The following SFT2D1 variants were observed in gnomAD, a reference collection of about 807,000 sequenced individuals.
The protein encoded by SFT2D1 is SFT2 domain containing 1, also known as vesicle transport protein SFT2A.
A neutral mutation model predicts 28.1 loss-of-function variants in SFT2D1; 24 were observed. The observed-to-expected ratio is 0.85, with a 90% confidence interval of 0.62 to 1.20. SFT2D1 has a LOEUF of 1.20. Among genes scored for constraint, SFT2D1 ranks in the 50% most tolerant of loss-of-function variants. SFT2D1 has a pLI of 0.00. For missense variants in SFT2D1, 181 were observed against 190.9 expected, an observed-to-expected ratio of 0.95 and a Z score of 0.31; for synonymous variants, 82 against 73.7, an observed-to-expected ratio of 1.11 and a Z score of -0.58.
At chr6:166,325,538 G>C (rs1271709288) in intron 5 of SFT2D1, among the ~76,000 whole-genome samples, 1 of 152,192 alleles carries the variant, frequency 6.6e-6, no homozygotes, top group African/African-American at 2.4e-5. Flanking sequence ...TCTCTTTGTT[G>C]TTACTATCTG....
At position 166,320,099 on chromosome 6, in the gene SFT2D1, A is replaced by T; in HGVS notation, c.*118T>A. 1 of 854,516 alleles carries T rather than the reference A, an allele frequency of 1.2e-6. No individual in the cohort carries two copies. The highest frequency in any genetic ancestry group is 1.9e-6 in the Non-Finnish European group (1 of 526,516). The allele number at this position is 854,516 out of a possible 1,614,324, so 52.9% of individuals were successfully genotyped here. A position where few individuals can be genotyped will look rare whatever the true frequency, so the allele number is the denominator to read the frequency against. On this transcript the variant is annotated 3_prime_UTR_variant, in exon 8 of 8. Coordinates refer to ENST00000361731, the MANE Select transcript of SFT2D1 (RefSeq NM_145169.3). ...ACCAGTATACAAAATGAGACTTAGT[A>T]CAAAACGGTCTTCAACTGTCACGTC...
At chr6:166,338,784 G>A (rs2114914346) in intron 1 of SFT2D1, among the ~76,000 whole-genome samples, 1 of 152,158 alleles carries the variant, frequency 6.6e-6, no homozygotes, top group Middle Eastern at 3.4e-3. Context: ...ATCAGGGGAG[G>A]AATATGATCA....
intron 1 of SFT2D1, chr6:166,335,459 C>G (rs1352437917): frequency 1.7e-5 from 9 of 538,918 alleles, no homozygotes; most frequent in Non-Finnish European, 3.2e-5. Context: ...TGGTGGAGAA[C>G]AATACTTTGC....
At chr6:166,322,995 A>G in intron 6 of SFT2D1, 109 bp from the exon 7 acceptor site, 1 of 853,168 alleles carries the variant, frequency 1.2e-6, no homozygotes, top group Non-Finnish European at 1.9e-6. Context: ...GAGACTGTAC[A>G]GTGGTTCTCA....
intron 1 of SFT2D1, chr6:166,334,610 C>A: frequency 5.5e-6 from 1 of 181,348 alleles, no homozygotes; most frequent in South Asian, 1.1e-4. Flanking sequence ...GTGGAAGCTC[C>A]TCACTGGAGG....
chr6:166,336,551 C>T (rs1190763665), intron 1 of SFT2D1, among the ~76,000 whole-genome samples: 1 of 152,174 alleles, frequency 6.6e-6, no homozygotes, highest in Non-Finnish European at 1.5e-5. Context: ...AGTCCATGAT[C>T]AAGGCGCCAG....
chr6:166,340,532 A>C (rs1371955268), intron 1 of SFT2D1, among the ~76,000 whole-genome samples: 1 of 152,100 alleles, frequency 6.6e-6, no homozygotes, highest in East Asian at 1.9e-4. Flanking sequence ...TGCTGACCAC[A>C]CACCACTTGG....
intron 1 of SFT2D1, among the ~76,000 whole-genome samples, chr6:166,333,453 G>A (rs543102342): frequency 2.6e-4 from 39 of 152,260 alleles, no homozygotes; most frequent in African/African-American, 7.7e-4. Flanking sequence ...GCCGCTCTCC[G>A]ACCCGTTTCT....
chr6:166,326,039 G>T, intron 5 of SFT2D1, 93 bp downstream of exon 5: 4 of 1,204,372 alleles, frequency 3.3e-6, no homozygotes, highest in South Asian at 2.6e-5. Flanking sequence ...TAAAAAAACA[G>T]ATGAGCTATT....
At chr6:166,337,631 AAGGTAG>A (rs373855291) in intron 1 of SFT2D1, among the ~76,000 whole-genome samples, 21 of 152,278 alleles carry the variant, frequency 1.4e-4, no homozygotes, top group African/African-American at 5.1e-4. Flanking sequence ...GGAAATAGAT[AAGGTAG>A]GTATACTTAC....
chr6:166,320,200 C>T lies in SFT2D1; in HGVS notation c.*17G>A, dbSNP rs757728729. 5.6e-6 allele frequency: 9 copies of T among 1,610,014 alleles called. No individual in the cohort carries two copies. The highest frequency in any genetic ancestry group is 6.8e-6 in the Non-Finnish European group (8 of 1,178,328). On this transcript the variant is annotated 3_prime_UTR_variant, in exon 8 of 8. Coordinates refer to ENST00000361731, the MANE Select transcript of SFT2D1 (RefSeq NM_145169.3). ...AGTACCAACATTCAAGTGCTCTTTT[C>T]CACAAGTTTCTGATTTTCAACTTAG... is the stretch of plus-strand genomic sequence containing the variant.
chr6:166,323,017 C>A, intron 6 of SFT2D1, 131 bp from the exon 7 acceptor site: 2 of 667,782 alleles, frequency 3.0e-6, no homozygotes, highest in East Asian at 2.8e-5. Flanking sequence ...AGTGTGACCC[C>A]GACCAGCAGT....
chr6:166,340,000 CCA>C (rs1778746736), intron 1 of SFT2D1, among the ~76,000 whole-genome samples: 1 of 152,200 alleles, frequency 6.6e-6, no homozygotes, highest in Non-Finnish European at 1.5e-5. Flanking sequence ...CCTGCTCCTC[CCA>C]CAGTCACTTA....
At chr6:166,340,845 T>C (rs373387304) in intron 1 of SFT2D1, among the ~76,000 whole-genome samples, 2 of 152,260 alleles carry the variant, frequency 1.3e-5, no homozygotes, top group South Asian at 4.1e-4. Flanking sequence ...GAATATTTGT[T>C]AATGAACGAT....
At chr6:166,338,973 ACTC>A (rs764509484) in intron 1 of SFT2D1, among the ~76,000 whole-genome samples, 2 of 151,516 alleles carry the variant, frequency 1.3e-5, no homozygotes, top group African/African-American at 2.4e-5. Flanking sequence ...GCCTCGCCCA[ACTC>A]CTCAACTGGC....
intron 1 of SFT2D1, among the ~76,000 whole-genome samples, chr6:166,337,488 G>A (rs905281900): frequency 6.6e-6 from 1 of 151,920 alleles, no homozygotes; most frequent in Admixed American, 6.6e-5. Context: ...CTGTCCTCCC[G>A]CCTCGCCAGC....
chr6:166,339,048 G>A (rs1332402934), intron 1 of SFT2D1, among the ~76,000 whole-genome samples: 1 of 152,074 alleles, frequency 6.6e-6, no homozygotes, highest in Non-Finnish European at 1.5e-5. Flanking sequence ...ACGTCTTGCT[G>A]CACAAGACGT....
intron 7 of SFT2D1, among the ~76,000 whole-genome samples, chr6:166,321,399 G>T (rs971702260): frequency 6.6e-6 from 1 of 152,150 alleles, no homozygotes; most frequent in African/African-American, 2.4e-5. Flanking sequence ...AGAGCCTCTT[G>T]TATGGGACAT....
chr6:166,326,050 TTAAGA>T, intron 5 of SFT2D1, 77 bp downstream of exon 5: 2 of 1,296,538 alleles, frequency 1.5e-6, no homozygotes, highest in Non-Finnish European at 2.2e-6. Context: ...ATGAGCTATT[TTAAGA>T]TAATGGTGTG....
Sources: gnomAD v4.1 joint callset for allele counts (sites outside exome capture counted in the v4.1 genomes callset) on GRCh38, gnomAD v4.1.1 for gene constraint, MANE v1.5 for transcripts, NCBI Gene and HGNC (gene_info 2026-07-23, HGNC 2026-07-21) for gene names.